SGMS1: variants seen among roughly 807,000 people sequenced by gnomAD.
SGMS1 encodes sphingomyelin synthase 1.
Under a neutral mutation model 46.2 loss-of-function variants are expected in SGMS1, and 13 were observed. The ratio of observed to expected loss-of-function variants is 0.28; its 90% CI spans 0.18 to 0.45. The LOEUF (loss-of-function observed/expected upper bound fraction) is 0.45, where lower values mean the gene tolerates loss of function less well. Ranked by LOEUF, SGMS1 falls within the 20% of genes least tolerant of loss-of-function variation. The pLI, the probability that SGMS1 is intolerant of heterozygous loss-of-function variation, is 1.00. For missense variants in SGMS1, 324 were observed against 519.9 expected, an observed-to-expected ratio of 0.62 and a Z score of 3.66; for synonymous variants, 203 against 187.8, an observed-to-expected ratio of 1.08 and a Z score of -0.66.
chr10:50,535,702 C>A (rs950382686), intron 2 of SGMS1, among the ~76,000 whole-genome samples: 3 of 151,704 alleles, frequency 2.0e-5, no homozygotes, highest in African/African-American at 7.2e-5. Flanking sequence ...TTCACAGATA[C>A]CACTCTATGA....
chr10:50,595,574 TG>T (rs748896951), intron 1 of SGMS1, among the ~76,000 whole-genome samples: 52 of 152,318 alleles, frequency 3.4e-4, no homozygotes, highest in African/African-American at 1.1e-3. Context: ...TTAAGTAACT[TG>T]GCCAAAATCA....
intron 6 of SGMS1, among the ~76,000 whole-genome samples, chr10:50,414,069 G>C (rs146534541): frequency 1.4e-4 from 22 of 152,028 alleles, no homozygotes; most frequent in Admixed American, 5.9e-4. Context: ...ATTGTTTTTG[G>C]ACCACTGTTC....
intron 6 of SGMS1, among the ~76,000 whole-genome samples, chr10:50,384,233 T>C (rs1252896556): frequency 6.6e-6 from 1 of 152,216 alleles, no homozygotes; most frequent in Non-Finnish European, 1.5e-5. Flanking sequence ...TTTTTCTTCC[T>C]TCACTCACTA....
intron 1 of SGMS1, among the ~76,000 whole-genome samples, chr10:50,598,012 CAAAAAAAAAAA>C (rs544250440): frequency 2.2e-5 from 2 of 92,404 alleles, no homozygotes; most frequent in Non-Finnish European, 4.5e-5. Context: ...AACTCCGTCT[CAAAAAAAAAAA>C]AAAAGAAAAA....
chr10:50,354,188 C>G (rs1442299632), intron 6 of SGMS1, among the ~76,000 whole-genome samples: 4 of 150,712 alleles, frequency 2.7e-5, no homozygotes, highest in Non-Finnish European at 5.9e-5. Context: ...TGACTTCAAA[C>G]TATACTACAA....
chr10:50,361,307 C>G (rs539778876), intron 6 of SGMS1, among the ~76,000 whole-genome samples: 5 of 152,078 alleles, frequency 3.3e-5, no homozygotes, highest in African/African-American at 1.2e-4. Flanking sequence ...CCCCACCACT[C>G]CTTGATCCCT....
rs1447568561 is a variant in SGMS1, at chr10:50,399,336, GTATGCAACTATTGAAAATAATATAGAA to G, written c.-232+34113_-232+34139del. Among the ~76,000 whole-genome samples the G allele has an allele frequency of 5.9e-5, 9 of 151,978 alleles. 1 individual carries two copies. Among genetic ancestry groups the G allele is most frequent in the Non-Finnish European group, 1.3e-4 (9 of 67,994 alleles). On this transcript the variant is annotated intron_variant, in intron 6 of 10. Coordinates refer to ENST00000361781, the MANE Select transcript of SGMS1 (RefSeq NM_147156.4). ...TTATAGTACTTTCATACAATAAAAG[GTATGCAACTATTGAAAATAATATAGAA>G]TATGCAACTATTGAAAATAATATAG... is the stretch of plus-strand genomic sequence containing the variant.
At chr10:50,624,946 C>T (rs561861593), upstream of SGMS1, 4 of 1,022,798 alleles carry the variant, frequency 3.9e-6, no homozygotes, top group African/African-American at 1.7e-5. Context: ...GCGCTCCGGG[C>T]AGCCATCTTC....
intron 3 of SGMS1, among the ~76,000 whole-genome samples, chr10:50,507,946 C>T (rs1837721671): frequency 6.6e-6 from 1 of 152,142 alleles, no homozygotes; most frequent in Non-Finnish European, 1.5e-5. Flanking sequence ...TAAGCCTCAG[C>T]TTAGTTGGAG....
chr10:50,447,714 C>G (rs946417141), intron 5 of SGMS1, among the ~76,000 whole-genome samples: 2 of 152,056 alleles, frequency 1.3e-5, no homozygotes, highest in Non-Finnish European at 2.9e-5. Context: ...CTAAATGGAA[C>G]TAACTAACAT....
At position 50,307,874 on chromosome 10, in the gene SGMS1, C is replaced by T; in HGVS notation, c.1062+108G>A. ...ACAATACAATCTTAGTTGATTACTA[C>T]TTAAGAAAGAGAAACTTCAGACATC... On this transcript the variant is annotated intron_variant, in intron 10 of 10. Coordinates refer to ENST00000361781, the MANE Select transcript of SGMS1 (RefSeq NM_147156.4). This position sits in a 1 kb window ranked among gnomAD's most constrained non-coding sequence, Gnocchi z 4.2. The T allele has an allele frequency of 9.4e-7, 1 of 1,058,290 alleles. No individual in the cohort carries two copies. Among genetic ancestry groups the T allele is most frequent in the Non-Finnish European group, 1.4e-6 (1 of 709,122 alleles). The allele number at this position is 1,058,290 out of a possible 1,614,324, so 65.6% of individuals were successfully genotyped here.
intron 2 of SGMS1, among the ~76,000 whole-genome samples, chr10:50,585,749 T>C (rs973782550): frequency 5.3e-5 from 8 of 152,254 alleles, no homozygotes; most frequent in Non-Finnish European, 1.2e-4. Context: ...CAAGAAGTGA[T>C]AGAGGAGCTT....
At chr10:50,619,932 CTG>C (rs141169711) in intron 1 of SGMS1, among the ~76,000 whole-genome samples, 1,556 of 152,338 alleles carry the variant, frequency 0.01, 24 homozygotes, top group African/African-American at 0.035. Context: ...GTCTCTTTCT[CTG>C]TGTCTTTCTC....
intron 2 of SGMS1, among the ~76,000 whole-genome samples, chr10:50,580,005 C>T (rs943506997): frequency 1.3e-5 from 2 of 152,144 alleles, no homozygotes; most frequent in African/African-American, 4.8e-5. Flanking sequence ...ACATAGAAGG[C>T]TGTTTATGGT....
chr10:50,485,491 G>T (rs984763284), intron 3 of SGMS1, among the ~76,000 whole-genome samples: 3 of 152,068 alleles, frequency 2.0e-5, no homozygotes, highest in African/African-American at 4.8e-5. Flanking sequence ...TTACAGATTC[G>T]ATGCTATTCC....
At chr10:50,440,787 T>C (rs2133636269) in intron 5 of SGMS1, among the ~76,000 whole-genome samples, 1 of 152,210 alleles carries the variant, frequency 6.6e-6, no homozygotes, top group Admixed American at 6.5e-5. Context: ...TTTTTGCTTG[T>C]TTGTTCTTGT....
intron 2 of SGMS1, among the ~76,000 whole-genome samples, chr10:50,541,039 T>G (rs945384908): frequency 1.3e-5 from 2 of 152,202 alleles, no homozygotes; most frequent in Non-Finnish European, 2.9e-5. Context: ...GATTCAGCTC[T>G]GATTGAAGTG....
intron 3 of SGMS1, among the ~76,000 whole-genome samples, chr10:50,505,981 C>T (rs1329183980): frequency 6.6e-6 from 1 of 152,138 alleles, no homozygotes. Context: ...GTTGCTCAGG[C>T]CTGAAACTGA....
intron 5 of SGMS1, among the ~76,000 whole-genome samples, chr10:50,445,073 A>G (rs1459218682): frequency 6.6e-6 from 1 of 152,236 alleles, no homozygotes; most frequent in Non-Finnish European, 1.5e-5. Flanking sequence ...ACTTCATAAA[A>G]GAGGACACAT....
Sources: gnomAD v4.1 joint callset for allele counts (sites outside exome capture counted in the v4.1 genomes callset) on GRCh38, gnomAD v4.1.1 for gene constraint, Gnocchi (gnomAD v3.1) non-coding constraint, MANE v1.5 for transcripts, NCBI Gene and HGNC (gene_info 2026-07-23, HGNC 2026-07-21) for gene names.